ASTN1: variants seen among roughly 807,000 people sequenced by gnomAD.
The protein encoded by ASTN1 is astrotactin 1.
Under a neutral mutation model 140.7 loss-of-function variants are expected in ASTN1, and 41 were observed. The ratio of observed to expected loss-of-function variants is 0.29; its 90% confidence interval spans 0.23 to 0.38. The LOEUF (loss-of-function observed/expected upper bound fraction) is 0.38, where lower values mean the gene tolerates loss of function less well. Among genes scored for constraint, ASTN1 ranks in the 10% least tolerant of loss-of-function variants. The pLI is 1.00. For synonymous variants in ASTN1, 640 were observed against 652.2 expected (o/e 0.98, Z 0.29); for missense variants, 1,479 against 1,678.8 (o/e 0.88, Z 2.08).
At chr1:177,056,571 A>G (rs1259574379) in intron 2 of ASTN1, among the ~76,000 whole-genome samples, 1 of 145,538 alleles carries the variant, frequency 6.9e-6, no homozygotes, top group East Asian at 2.0e-4. Flanking sequence ...TCATATATAT[A>G]TATATATATA....
chr1:177,131,528 A>G (rs1457985998), intron 1 of ASTN1, among the ~76,000 whole-genome samples: 3 of 143,380 alleles, frequency 2.1e-5, no homozygotes, highest in Non-Finnish European at 1.5e-5. Flanking sequence ...TCATAAAATT[A>G]CATTTTTTTT....
intron 2 of ASTN1, among the ~76,000 whole-genome samples, 175 bp from the exon 3 acceptor site, chr1:177,033,024 G>C (rs1676527142): frequency 6.6e-6 from 1 of 152,064 alleles, no homozygotes; most frequent in Non-Finnish European, 1.5e-5. Context: ...TACTGTGACT[G>C]GTATTTAGGG....
intron 1 of ASTN1, among the ~76,000 whole-genome samples, chr1:177,069,372 C>G (rs539303772): frequency 1.3e-5 from 2 of 152,104 alleles, no homozygotes; most frequent in African/African-American, 4.8e-5. Flanking sequence ...CCCATCCACC[C>G]GCTTCTCCTT....
intron 1 of ASTN1, among the ~76,000 whole-genome samples, chr1:177,078,984 G>A (rs1332013170): frequency 6.6e-6 from 1 of 152,198 alleles, no homozygotes; most frequent in Admixed American, 6.5e-5. Flanking sequence ...TATTAGTTTT[G>A]CTCCTAATGC....
In ASTN1 at chr1:176,910,104, C is replaced by G. The variant is rs142037134; in HGVS notation, c.2672-15274G>C. Reference sequence around the variant, plus strand: ...AATGGCGTTGTGAAAACTGAGAGAACAAAACCCTTCTAAATGGTTGATAAG... The same window carrying G: ...AATGGCGTTGTGAAAACTGAGAGAAGAAAACCCTTCTAAATGGTTGATAAG... On this transcript the variant is annotated intron_variant, in intron 16 of 22. Transcript: ENST00000361833. 1.4e-3 allele frequency among the ~76,000 whole-genome samples: 217 copies of G among 152,224 alleles called. 2 individuals carry two copies. The highest frequency in any genetic ancestry group is 5.0e-3 in the African/African-American group (209 of 41,536).
intron 1 of ASTN1, among the ~76,000 whole-genome samples, chr1:177,079,009 C>T (rs898154738): frequency 3.2e-4 from 49 of 152,186 alleles, no homozygotes; most frequent in African/African-American, 1.2e-3. Context: ...AAATGGACCT[C>T]AATCTGAAAT....
intron 18 of ASTN1, 110 bp downstream of exon 18, chr1:176,887,961 T>C: frequency 6.9e-7 from 1 of 1,450,230 alleles, no homozygotes; most frequent in Non-Finnish European, 9.4e-7. Flanking sequence ...AAGGCAGGTA[T>C]TGTGTCATAT....
chr1:177,009,836 C>T (rs1160548224), intron 8 of ASTN1, among the ~76,000 whole-genome samples: 5 of 152,168 alleles, frequency 3.3e-5, no homozygotes, highest in East Asian at 1.9e-4. Flanking sequence ...CATGAATGAT[C>T]GCTCTGTCTC....
chr1:176,972,490 AC>A (rs1393211645), intron 8 of ASTN1, among the ~76,000 whole-genome samples: 1 of 152,096 alleles, frequency 6.6e-6, no homozygotes, highest in Non-Finnish European at 1.5e-5. Context: ...ATGAACTACT[AC>A]TTTTTTTTAA....
At chr1:177,053,331 G>T (rs1202326862) in intron 2 of ASTN1, among the ~76,000 whole-genome samples, 1 of 152,098 alleles carries the variant, frequency 6.6e-6, no homozygotes, top group Non-Finnish European at 1.5e-5. Context: ...TATTTTTCTT[G>T]CTATCTGCAG....
At position 176,957,665 on chromosome 1, in the gene ASTN1, AG is replaced by A. The variant is rs1557990105; in HGVS notation, c.1887+12del. 1 of 1,613,282 alleles carries A rather than the reference AG, an allele frequency of 6.2e-7. No individual in the cohort carries two copies. Among genetic ancestry groups the A allele is most frequent in the East Asian group, 2.2e-5 (1 of 44,870 alleles). Reference sequence around the variant, plus strand: ...CCTCAAACAGAAACTACTAGCTTGCAGGGCAGACCTACCACGCAACCAGTGG... The same window carrying A: ...CCTCAAACAGAAACTACTAGCTTGCAGGCAGACCTACCACGCAACCAGTGG... On this transcript the variant is annotated intron_variant, in intron 11 of 22. Coordinates refer to ENST00000361833, the MANE Select transcript of ASTN1 (RefSeq NM_004319.3).
At chr1:177,074,815 A>C (rs1049189793) in intron 1 of ASTN1, among the ~76,000 whole-genome samples, 2 of 152,208 alleles carry the variant, frequency 1.3e-5, no homozygotes, top group African/African-American at 4.8e-5. Flanking sequence ...TTATTTTAGT[A>C]CTTCAATTTC....
chr1:176,940,243 C>G (rs1245459371), intron 14 of ASTN1, among the ~76,000 whole-genome samples: 1 of 152,114 alleles, frequency 6.6e-6, no homozygotes, highest in African/African-American at 2.4e-5. Flanking sequence ...GAAAACCAAC[C>G]CATTATCTAG....
intron 1 of ASTN1, among the ~76,000 whole-genome samples, chr1:177,113,769 CACAA>C (rs1680937525): frequency 6.6e-6 from 1 of 152,178 alleles, no homozygotes; most frequent in Admixed American, 6.5e-5. Flanking sequence ...ACATGCCCTG[CACAA>C]ACAGCTTATG....
intron 8 of ASTN1, among the ~76,000 whole-genome samples, chr1:177,008,821 C>A (rs1031368563): frequency 6.6e-6 from 1 of 151,970 alleles, no homozygotes; most frequent in African/African-American, 2.4e-5. Flanking sequence ...TGGGCACAGA[C>A]AATGAAGTCT....
intron 8 of ASTN1, among the ~76,000 whole-genome samples, chr1:176,994,069 G>C (rs1431543439): frequency 6.6e-6 from 1 of 151,318 alleles, no homozygotes; most frequent in East Asian, 1.9e-4. Flanking sequence ...CGTTCATTCT[G>C]ATATTATGGA....
intron 1 of ASTN1, among the ~76,000 whole-genome samples, chr1:177,091,297 A>T (rs181391312): frequency 5.3e-5 from 8 of 152,196 alleles, no homozygotes; most frequent in Admixed American, 5.2e-4. Flanking sequence ...CATTCTGTTG[A>T]CTCACATCAG....
At chr1:176,909,956 G>A (rs1357923816) in intron 16 of ASTN1, among the ~76,000 whole-genome samples, 1 of 152,062 alleles carries the variant, frequency 6.6e-6, no homozygotes, top group Non-Finnish European at 1.5e-5. Context: ...CATTCCTACA[G>A]TAACAAGCCT....
At chr1:176,867,426 A>G (rs1668166040) in intron 22 of ASTN1, among the ~76,000 whole-genome samples, 1 of 152,126 alleles carries the variant, frequency 6.6e-6, no homozygotes, top group Non-Finnish European at 1.5e-5. Context: ...AATGAGTAAG[A>G]ATAAGGTAAA....
Sources: gnomAD v4.1 joint callset for allele counts (sites outside exome capture counted in the v4.1 genomes callset) on GRCh38, gnomAD v4.1.1 for gene constraint, MANE v1.5 for transcripts, NCBI Gene and HGNC (gene_info 2026-07-23, HGNC 2026-07-21) for gene names.